PIGG: variants seen among roughly 807,000 people sequenced by gnomAD.
PIGG encodes the protein GPI ethanolamine phosphate transferase 2, catalytic subunit.
PIGG carries 70 observed loss-of-function variants against 83.2 expected under a neutral mutation model. That is an observed-to-expected ratio of 0.84 (90% CI 0.69 to 1.03). The LOEUF (loss-of-function observed/expected upper bound fraction) is 1.03. PIGG is among the 50% of genes least tolerant of loss of function. The pLI is 0.00. For missense variants in PIGG, 1,257 were observed against 1,233.6 expected (o/e 1.02, Z -0.28); for synonymous variants, 532 against 519.5 (o/e 1.02, Z -0.33).
chr4:500,673 T>C (rs1717350567), intron 2 of PIGG, 72 bp downstream of exon 2: 1 of 985,048 alleles, frequency 1.0e-6, no homozygotes, highest in East Asian at 2.4e-5. Context: ...CTCTGTAGTC[T>C]TTCGCTTGGA....
intron 5 of PIGG, among the ~76,000 whole-genome samples, chr4:513,142 T>C (rs1722767010): frequency 6.6e-6 from 1 of 152,208 alleles, no homozygotes; most frequent in Non-Finnish European, 1.5e-5. Flanking sequence ...TTTCTTTGTT[T>C]GTTCTGTATC....
intron 9 of PIGG, chr4:525,405 C>G: frequency 4.1e-6 from 4 of 977,788 alleles, no homozygotes; most frequent in Non-Finnish European, 4.9e-6. Context: ...GCGAGAGTAA[C>G]AGCAAGGGTT....
chr4:500,936 G>A (rs1553875480), intron 2 of PIGG, among the ~76,000 whole-genome samples: 1 of 152,136 alleles, frequency 6.6e-6, no homozygotes, highest in African/African-American at 2.4e-5. Flanking sequence ...ATCTTAGAAG[G>A]AGCCTTTAGA....
chr4:505,955 C>T (rs1156557263), intron 3 of PIGG, 28 bp downstream of exon 3: 1 of 1,436,158 alleles, frequency 7.0e-7, no homozygotes, highest in Non-Finnish European at 9.8e-7. Flanking sequence ...GAAAATATAT[C>T]ATACTAGAAT....
At chr4:526,823 C>T in intron 9 of PIGG, 1 of 592,072 alleles carries the variant, frequency 1.7e-6, no homozygotes. Context: ...GCTGGGATTG[C>T]TGGTGTGAGC....
intron 1 of PIGG, 50 bp from the exon 2 acceptor site, chr4:500,346 C>A: frequency 2.2e-6 from 3 of 1,339,006 alleles, no homozygotes; most frequent in Non-Finnish European, 3.2e-6. Context: ...GTGCTTGATG[C>A]TAAGGAAAGT....
chr4:509,004 G>T (rs781866511), intron 5 of PIGG, 34 bp downstream of exon 5: 3 of 1,577,102 alleles, frequency 1.9e-6, no homozygotes, highest in Middle Eastern at 1.7e-4. Context: ...GTTGGAAATT[G>T]TATTACATTT....
In PIGG at chr4:539,378, G is replaced by T; in HGVS notation, c.*9G>T. 6.7e-7 allele frequency: 1 copy of T among 1,503,534 alleles called. No homozygotes were observed. The highest frequency in any genetic ancestry group is 9.2e-7 in the Non-Finnish European group (1 of 1,084,674). 93.1% of individuals were successfully genotyped at this position (1,503,534 alleles called of 1,614,324 possible). A position where few individuals can be genotyped will look rare whatever the true frequency, so the allele number is the denominator to read the frequency against. ...GACTCACACAGTCTTAGACTAAGCTGAACACTGGAAAAATAATACATGCTT... is the reference window on the plus strand; with the variant it reads ...GACTCACACAGTCTTAGACTAAGCTTAACACTGGAAAAATAATACATGCTT... On this transcript the variant is annotated 3_prime_UTR_variant, in exon 13 of 13. Coordinates refer to ENST00000453061, the MANE Select transcript of PIGG (RefSeq NM_001127178.3).
chr4:499,826 C>A, intron 1 of PIGG: 1 of 861,888 alleles, frequency 1.2e-6, no homozygotes, highest in South Asian at 3.2e-5. Flanking sequence ...CCGTTATAGG[C>A]GCCCTTTTTG....
chr4:514,835 CAA>C (rs1278902428), intron 5 of PIGG, among the ~76,000 whole-genome samples: 1 of 152,178 alleles, frequency 6.6e-6, no homozygotes, highest in East Asian at 1.9e-4. Context: ...CTCAGAATAA[CAA>C]TGCCAGTGCT....
At position 530,693 on chromosome 4, in the gene PIGG, C is replaced by T. The variant is rs1553897739; in HGVS notation, c.2519C>T (p.Ala840Val). ...FIWKPLRHDAAEITVMHYWFG... is the reference protein window; with the variant it reads ...FIWKPLRHDAVEITVMHYWFG... The stretch of plus-strand genomic sequence containing the variant: ...TGGAAGCCCCTGAGACACGATGCAG[C>T]TGAGATTACTGTGATGCATTATTGG... The change falls in exon 11 of 13, where the codon GCT becomes GTT. Residue 840 changes from alanine (A) to valine (V), a missense_variant. By Grantham distance (64) the Ala-to-Val change is moderately conservative. Transcript: ENST00000453061. 1 of 1,613,772 alleles carries T rather than the reference C, an allele frequency of 6.2e-7. No homozygotes were observed. Among genetic ancestry groups the T allele is most frequent in the African/African-American group, 1.3e-5 (1 of 75,024 alleles).
chr4:507,325 A>T (rs782481970), intron 3 of PIGG, 80 bp from the exon 4 acceptor site: 40 of 1,108,168 alleles, frequency 3.6e-5, no homozygotes, highest in Admixed American at 2.0e-4. Flanking sequence ...AGATTTTAAG[A>T]TGACTGTTGC....
intron 10 of PIGG, 152 bp downstream of exon 10, chr4:527,382 A>G: frequency 1.4e-6 from 2 of 1,390,408 alleles, no homozygotes; most frequent in Non-Finnish European, 1.9e-6. Flanking sequence ...GTGAATTGTG[A>G]TTGTGTCAAC....
chr4:525,354 G>C (rs779618149), intron 9 of PIGG: 66 of 985,316 alleles, frequency 6.7e-5, no homozygotes, highest in Non-Finnish European at 7.2e-5. Context: ...GAAGACTTAG[G>C]AAACTAAAGC....
chr4:509,080 C>A, intron 5 of PIGG, 110 bp downstream of exon 5: 1 of 816,874 alleles, frequency 1.2e-6, no homozygotes, highest in Non-Finnish European at 1.9e-6. Context: ...GTTGAAGTCC[C>A]CAAGCAATGT....
intron 5 of PIGG, among the ~76,000 whole-genome samples, chr4:513,274 T>G (rs1722818744): frequency 6.6e-6 from 1 of 152,258 alleles, no homozygotes; most frequent in East Asian, 1.9e-4. Context: ...TCCCTATAGT[T>G]CTGAAGGATT....
intron 2 of PIGG, 150 bp from the exon 3 acceptor site, chr4:505,568 A>T (rs1222585600): frequency 3.3e-6 from 2 of 604,096 alleles, no homozygotes; most frequent in Non-Finnish European, 5.8e-6. Flanking sequence ...AGGAGTTCAA[A>T]GCTGCAGTGA....
At chr4:500,645 T>G (rs145321840) in intron 2 of PIGG, 44 bp downstream of exon 2, 57 of 1,301,418 alleles carry the variant, frequency 4.4e-5, no homozygotes, top group Non-Finnish European at 5.8e-5. Flanking sequence ...TTGGCTGTTT[T>G]GAAGATTTAG....
chr4:530,286 G>T (rs1728709353), intron 10 of PIGG, 150 bp from the exon 11 acceptor site: 3 of 624,746 alleles, frequency 4.8e-6, no homozygotes, highest in East Asian at 2.7e-5. Context: ...GACAGGACCT[G>T]GGGGGTAGGG....
Sources: gnomAD v4.1 joint callset for allele counts (sites outside exome capture counted in the v4.1 genomes callset) on GRCh38, gnomAD v4.1.1 for gene constraint, MANE v1.5 for transcripts, NCBI Gene and HGNC (gene_info 2026-07-23, HGNC 2026-07-21) for gene names.